The following ZNF496 variants were observed in gnomAD, a reference collection of about 807,000 sequenced individuals.
The protein encoded by ZNF496 is NSD1 (nuclear receptor binding SET-domain containing 1)-interacting zinc finger protein 1.
Under a neutral mutation model 58.9 loss-of-function variants are expected in ZNF496, and 11 were observed. That is an observed-to-expected ratio of 0.19 (90% CI 0.12 to 0.31). ZNF496 has a LOEUF of 0.31. Ranked by LOEUF, ZNF496 falls within the 10% of genes least tolerant of loss-of-function variation. The pLI is 1.00. For synonymous variants in ZNF496, 338 were observed against 318.2 expected (o/e 1.06, Z -0.66); for missense variants, 660 against 783.0 (o/e 0.84, Z 1.88).
chr1:247,328,453 G>A (rs930137193), intron 5 of ZNF496, among the ~76,000 whole-genome samples: 10 of 152,158 alleles, frequency 6.6e-5, no homozygotes, highest in African/African-American at 1.9e-4. Flanking sequence ...CTACAGAAGC[G>A]TTAGCTCTGA....
At chr1:247,310,152 C>G in intron 7 of ZNF496, 172 bp downstream of exon 7, 3 of 1,445,808 alleles carry the variant, frequency 2.1e-6, no homozygotes, top group Non-Finnish European at 2.7e-6. Flanking sequence ...GACACACTGC[C>G]TGTAGGGCCG....
chr1:247,304,912 C>T (rs1659363052), intron 9 of ZNF496, among the ~76,000 whole-genome samples: 1 of 152,048 alleles, frequency 6.6e-6, no homozygotes, highest in African/African-American at 2.4e-5. Context: ...TTTGGACTTA[C>T]AGTTGATGCT....
At chr1:247,310,223 C>G in intron 7 of ZNF496, 101 bp downstream of exon 7, 2 of 1,552,166 alleles carry the variant, frequency 1.3e-6, no homozygotes, top group Non-Finnish European at 1.7e-6. Context: ...ATGCAGGCCC[C>G]GCTTCCCTGA....
In ZNF496 at chr1:247,329,707, G is replaced by C. The variant is rs1413829048; in HGVS notation, c.-37-92C>G. On this transcript the variant is annotated intron_variant, in intron 3 of 9. Coordinates refer to ENST00000682384, the MANE Select transcript of ZNF496 (RefSeq NM_032752.3). This position sits in a 1 kb window ranked among gnomAD's most constrained non-coding sequence, Gnocchi z 5.5. Reference sequence around the variant, plus strand: ...GACAAGGAAACTGTCAATGCCCTCAGAGACCAGCCCTTTGGAGAAGCCCTG... The same window carrying C: ...GACAAGGAAACTGTCAATGCCCTCACAGACCAGCCCTTTGGAGAAGCCCTG... 3 of 1,238,480 alleles carry C rather than the reference G, an allele frequency of 2.4e-6. No individual in the cohort carries two copies. Among genetic ancestry groups the C allele is most frequent in the Non-Finnish European group, 3.3e-6 (3 of 902,110 alleles). The allele number at this position is 1,238,480 out of a possible 1,614,324, so 76.7% of individuals were successfully genotyped here.
chr1:247,304,101 TTC>T (rs1331742965), intron 9 of ZNF496: 1 of 413,634 alleles, frequency 2.4e-6, no homozygotes, highest in Non-Finnish European at 4.7e-6. Context: ...AGGCTAGGAC[TTC>T]TGGGATTCTA....
chr1:247,307,921 G>C, intron 9 of ZNF496: 2 of 985,410 alleles, frequency 2.0e-6, no homozygotes, highest in Non-Finnish European at 2.4e-6. Context: ...TCTGAAAGCA[G>C]GAATGGAACA....
chr1:247,300,681 G>T lies in ZNF496; in HGVS notation c.1602C>A (p.His534Gln), dbSNP rs552879014. The change falls in exon 10 of 10, where the codon CAC (histidine) becomes CAA (glutamine). Residue 534 changes from histidine (H) to glutamine (Q), a missense_variant. Coordinates refer to ENST00000682384, the MANE Select transcript of ZNF496 (RefSeq NM_032752.3). This position sits in a 1 kb window ranked among gnomAD's most constrained non-coding sequence, Gnocchi z 5.7. ...GGCTGCGGTGCCGAGCCAGGTGGTCGTGCCGCTGGAAGGCCTTCCCACACT... is the reference window on the plus strand; with the variant it reads ...GGCTGCGGTGCCGAGCCAGGTGGTCTTGCCGCTGGAAGGCCTTCCCACACT... ...CCECGKAFQR[H>Q]DHLARHRSHF... The T allele has an allele frequency of 1.9e-6, 3 of 1,614,056 alleles. No homozygotes were observed. Among genetic ancestry groups the T allele is most frequent in the Non-Finnish European group, 2.5e-6 (3 of 1,180,030 alleles).
rs1310573046 is a variant in ZNF496 at position 247,329,306 on chromosome 1, C to G, written c.273G>C (p.Leu91=). The change falls in exon 4 of 10, where the codon CTG becomes CTC. Residue 91 remains leucine, a synonymous_variant. Transcript: ENST00000682384. This position sits in a 1 kb window ranked among gnomAD's most constrained non-coding sequence, Gnocchi z 5.5. ...ILELLVLEQF[L]AILPREIQSW... ...TCTGGATCTCCCGGGGCAGGATGGCCAGGAACTGCTCCAGCACCAGCAGCT... is the reference window on the plus strand; with the variant it reads ...TCTGGATCTCCCGGGGCAGGATGGCGAGGAACTGCTCCAGCACCAGCAGCT... 4 of 1,613,678 alleles carry G rather than the reference C, an allele frequency of 2.5e-6. No homozygotes were observed. In the South Asian group the frequency reaches 4.4e-5, roughly 18 times the overall value.
At chr1:247,325,966 C>T (rs1660105522) in intron 5 of ZNF496, among the ~76,000 whole-genome samples, 1 of 151,822 alleles carries the variant, frequency 6.6e-6, no homozygotes. Context: ...GTTGGCCGGG[C>T]ACAGTGGCTC....
intron 6 of ZNF496, chr1:247,313,356 A>G (rs1418717921): frequency 6.6e-6 from 1 of 152,282 alleles, no homozygotes; most frequent in Admixed American, 6.5e-5. Context: ...AGAGACAGAA[A>G]GGAGACCGAC....
intron 5 of ZNF496, among the ~76,000 whole-genome samples, chr1:247,326,790 A>G (rs1341356421): frequency 3.3e-5 from 5 of 152,180 alleles, no homozygotes; most frequent in South Asian, 2.1e-4. Context: ...ATCCAATAGG[A>G]CTGGTGTACT....
chr1:247,331,809 T>G lies in ZNF496; in HGVS notation c.-389A>C, dbSNP rs1660339858. 1 of 148,142 alleles carries G rather than the reference T, an allele frequency of 6.8e-6. No homozygotes were observed. The highest frequency in any genetic ancestry group is 6.7e-5 in the Admixed American group (1 of 14,978). 9.2% of individuals were successfully genotyped at this position (148,142 alleles called of 1,614,324 possible). Reference sequence around the variant, plus strand: ...ACTCACCGCCGCGGCGCGTCCCTGTTGGCGGGCGGCGCAGGCCTGGCCGCC... The same window carrying G: ...ACTCACCGCCGCGGCGCGTCCCTGTGGGCGGGCGGCGCAGGCCTGGCCGCC... On this transcript the variant is annotated 5_prime_UTR_variant, in exon 1 of 10. Coordinates refer to ENST00000682384, the MANE Select transcript of ZNF496 (RefSeq NM_032752.3).
intron 6 of ZNF496, among the ~76,000 whole-genome samples, chr1:247,321,946 T>C (rs1659978229): frequency 6.6e-6 from 1 of 152,202 alleles, no homozygotes; most frequent in Non-Finnish European, 1.5e-5. Flanking sequence ...CTGGGTAACC[T>C]GGCTAACTCC....
intron 5 of ZNF496, among the ~76,000 whole-genome samples, chr1:247,327,446 A>G (rs573008375): frequency 6.6e-6 from 1 of 152,332 alleles, no homozygotes; most frequent in South Asian, 2.1e-4. Context: ...GAGAGGCTTC[A>G]GAAGAACCCA....
chr1:247,302,505 T>C (rs765147912), intron 9 of ZNF496, among the ~76,000 whole-genome samples: 3 of 151,994 alleles, frequency 2.0e-5, no homozygotes, highest in Non-Finnish European at 4.4e-5. Context: ...TAATTTTTTG[T>C]ACAGATGGGG....
chr1:247,325,201 G>T (rs930943088), intron 5 of ZNF496, among the ~76,000 whole-genome samples: 1 of 152,222 alleles, frequency 6.6e-6, no homozygotes, highest in African/African-American at 2.4e-5. Flanking sequence ...ACGGGGCCAG[G>T]AGCCCACACA....
At chr1:247,327,189 C>T (rs1467501068) in intron 5 of ZNF496, among the ~76,000 whole-genome samples, 8 of 152,108 alleles carry the variant, frequency 5.3e-5, no homozygotes, top group Admixed American at 1.3e-4. Context: ...CTCAGCCTCC[C>T]GAAAAGCTGG....
At chr1:247,304,124 G>T in intron 9 of ZNF496, 1 of 392,092 alleles carries the variant, frequency 2.6e-6, no homozygotes. Context: ...CAAACTGGCC[G>T]ATAGATCTAT....
intron 9 of ZNF496, among the ~76,000 whole-genome samples, chr1:247,302,040 G>C (rs551749749): frequency 6.2e-4 from 94 of 152,346 alleles, no homozygotes; most frequent in African/African-American, 2.1e-3. Flanking sequence ...GTGGAACCAC[G>C]GGGCGGGGCT....
Sources: gnomAD v4.1 joint callset for allele counts (sites outside exome capture counted in the v4.1 genomes callset) on GRCh38, gnomAD v4.1.1 for gene constraint, Gnocchi (gnomAD v3.1) non-coding constraint, MANE v1.5 for transcripts, NCBI Gene and HGNC (gene_info 2026-07-23, HGNC 2026-07-21) for gene names.